Variants in RBFOX1 observed in about 807,000 individuals in gnomAD.
RBFOX1 encodes the protein RNA binding fox-1 homolog 1.
RBFOX1 carries 8 observed loss-of-function variants against 57.7 expected under a neutral mutation model. The ratio of observed to expected loss-of-function variants is 0.14; its 90% CI spans 0.08 to 0.25. RBFOX1 has a LOEUF of 0.25. Ranked by LOEUF, RBFOX1 falls within the 10% of genes least tolerant of loss-of-function variation. The pLI is 1.00. For synonymous variants in RBFOX1, 326 were observed against 222.4 expected (o/e 1.47, Z -4.15); for missense variants, 611 against 548.5 (o/e 1.11, Z -1.14).
intron 4 of RBFOX1, among the ~76,000 whole-genome samples, chr16:7,355,624 C>G (rs1253001408): frequency 1.3e-5 from 2 of 152,198 alleles, no homozygotes; most frequent in Admixed American, 6.5e-5. Flanking sequence ...CCATGTCAGT[C>G]TGTACAGGTC....
chr16:6,362,934 C>G (rs1386617257), intron 2 of RBFOX1, among the ~76,000 whole-genome samples: 2 of 152,188 alleles, frequency 1.3e-5, no homozygotes, highest in Non-Finnish European at 1.5e-5. Context: ...GTGTGTGATA[C>G]ATGAGCAAGG....
chr16:6,999,235 T>A lies in RBFOX1; in HGVS notation c.-15-52822T>A, dbSNP rs1393011450. On this transcript the variant is annotated intron_variant, in intron 3 of 15. Transcript: ENST00000550418. ...TTATTTATTTTTTTTATTTATTTTT[T>A]TTTTTAGAGATCAGGTCTCACTTGT... is the stretch of plus-strand genomic sequence containing the variant. Among the ~76,000 whole-genome samples, 34 of 146,778 alleles carry A rather than the reference T, an allele frequency of 2.3e-4. 1 individual carries two copies. Among genetic ancestry groups the A allele is most frequent in the Non-Finnish European group, 3.4e-4 (23 of 66,858 alleles).
At chr16:7,013,282 A>C (rs545772333) in intron 3 of RBFOX1, among the ~76,000 whole-genome samples, 1 of 152,262 alleles carries the variant, frequency 6.6e-6, no homozygotes, top group South Asian at 2.1e-4. Flanking sequence ...GAGGTAATTC[A>C]ATGAAGTAAG....
intron 11 of RBFOX1, among the ~76,000 whole-genome samples, chr16:7,652,576 T>A (rs780815794): frequency 6.6e-6 from 1 of 151,934 alleles, no homozygotes; most frequent in African/African-American, 2.4e-5. Flanking sequence ...CCTGACCAAT[T>A]TTTGTATTTT....
chr16:5,771,830 T>C (rs545185616), intron 3 of RBFOX1, among the ~76,000 whole-genome samples: 1 of 152,314 alleles, frequency 6.6e-6, no homozygotes, highest in South Asian at 2.1e-4. Context: ...AGTGATGACA[T>C]AGTTATTTCG....
At chr16:7,033,961 C>A (rs1297760855) in intron 3 of RBFOX1, among the ~76,000 whole-genome samples, 1 of 152,130 alleles carries the variant, frequency 6.6e-6, no homozygotes, top group African/African-American at 2.4e-5. Flanking sequence ...CAAGCAAGAC[C>A]CTGTCTAAAA....
chr16:5,523,385 C>T (rs981082707), intron 2 of RBFOX1, among the ~76,000 whole-genome samples: 7 of 152,140 alleles, frequency 4.6e-5, no homozygotes, highest in Middle Eastern at 3.2e-3. Flanking sequence ...GAGGCTGAGG[C>T]GGTTGGATCA....
At chr16:6,765,248 C>G (rs17745198) in intron 3 of RBFOX1, among the ~76,000 whole-genome samples, 1,866 of 152,288 alleles carry the variant, frequency 0.012, 20 homozygotes, top group Middle Eastern at 0.02. Context: ...ACACAGGCTC[C>G]TGCAGGCCAA....
At chr16:6,843,688 C>T (rs763701687) in intron 3 of RBFOX1, among the ~76,000 whole-genome samples, 9 of 152,104 alleles carry the variant, frequency 5.9e-5, no homozygotes, top group African/African-American at 2.2e-4. Flanking sequence ...GACTCCATCT[C>T]AAAATAAATA....
intron 4 of RBFOX1, among the ~76,000 whole-genome samples, chr16:5,880,060 C>G (rs2057725278): frequency 6.6e-6 from 1 of 152,286 alleles, no homozygotes; most frequent in African/African-American, 2.4e-5. Flanking sequence ...TGACAGTGAT[C>G]ACAGCAAGCA....
At chr16:7,289,086 C>T (rs1022797269) in intron 4 of RBFOX1, among the ~76,000 whole-genome samples, 16 of 152,250 alleles carry the variant, frequency 1.1e-4, no homozygotes, top group African/African-American at 3.9e-4. Context: ...CCCAGAAGAA[C>T]ACTCATGCCA....
intron 2 of RBFOX1, among the ~76,000 whole-genome samples, chr16:6,353,347 CTTGT>C (rs2086721784): frequency 6.6e-6 from 1 of 151,568 alleles, no homozygotes; most frequent in Admixed American, 6.6e-5. Flanking sequence ...TATTTCTGTG[CTTGT>C]TTGTTTTTTG....
At chr16:6,026,744 C>G (rs1239676150) in intron 1 of RBFOX1, among the ~76,000 whole-genome samples, 6 of 152,228 alleles carry the variant, frequency 3.9e-5, no homozygotes, top group African/African-American at 9.6e-5. Context: ...TGTTGTTTGT[C>G]TCCTTGGAGT....
chr16:7,373,455 A>T (rs2097612286), intron 4 of RBFOX1, among the ~76,000 whole-genome samples: 1 of 152,168 alleles, frequency 6.6e-6, no homozygotes, highest in South Asian at 2.1e-4. Flanking sequence ...TTGTGAGACC[A>T]CTAAGTGATG....
At chr16:6,613,076 A>G (rs1299588019) in intron 2 of RBFOX1, among the ~76,000 whole-genome samples, 1 of 151,120 alleles carries the variant, frequency 6.6e-6, no homozygotes, top group Non-Finnish European at 1.5e-5. Flanking sequence ...TTCACAGGAT[A>G]AATACTGTGG....
chr16:6,171,055 A>T (rs2152765106), intron 1 of RBFOX1, among the ~76,000 whole-genome samples: 1 of 152,262 alleles, frequency 6.6e-6, no homozygotes, highest in Admixed American at 6.5e-5. Context: ...GAACATTTGC[A>T]TGCATGTGTC....
intron 3 of RBFOX1, among the ~76,000 whole-genome samples, chr16:7,027,199 T>C (rs906194796): frequency 6.6e-6 from 1 of 152,176 alleles, no homozygotes; most frequent in Non-Finnish European, 1.5e-5. Context: ...TGTATCTTAT[T>C]GAACTCTCCA....
At chr16:6,827,763 C>T (rs553363941) in intron 3 of RBFOX1, among the ~76,000 whole-genome samples, 1 of 152,310 alleles carries the variant, frequency 6.6e-6, no homozygotes, top group African/African-American at 2.4e-5. Flanking sequence ...CTCCATCACT[C>T]TTACCTGGTT....
chr16:7,701,297 T>C (rs2080623458), intron 14 of RBFOX1, among the ~76,000 whole-genome samples: 1 of 151,992 alleles, frequency 6.6e-6, no homozygotes, highest in Non-Finnish European at 1.5e-5. Flanking sequence ...ACACAGCAGG[T>C]GGTGAGCGGG....
Sources: allele counts gnomAD v4.1 joint callset (sites outside exome capture counted in the v4.1 genomes callset), GRCh38; gene constraint gnomAD v4.1.1; transcripts MANE v1.5; gene names NCBI Gene and HGNC (gene_info 2026-07-23, HGNC 2026-07-21).